MTUS2: variants seen among roughly 807,000 people sequenced by gnomAD.
MTUS2 encodes the protein microtubule-associated tumor suppressor candidate 2.
Under a neutral mutation model 114.1 loss-of-function variants are expected in MTUS2, and 40 were observed. That is an observed-to-expected ratio of 0.35 (90% CI 0.27 to 0.46). MTUS2 has a LOEUF of 0.46. Ranked by LOEUF, MTUS2 falls within the 20% of genes least tolerant of loss-of-function variation. The probability of loss-of-function intolerance (pLI) is 1.00; values close to 1 mark genes in which losing one functional copy is unlikely to be tolerated. For synonymous variants in MTUS2, 688 were observed against 672.0 expected (o/e 1.02, Z -0.37); for missense variants, 1,679 against 1,705.4 (o/e 0.98, Z 0.27).
intron 2 of MTUS2, among the ~76,000 whole-genome samples, chr13:28,869,391 G>A (rs1877485917): frequency 6.6e-6 from 1 of 152,168 alleles, no homozygotes; most frequent in African/African-American, 2.4e-5. Flanking sequence ...TTCTACAAGG[G>A]ATAGATTTTG....
chr13:29,012,592 G>C (rs1261901502), intron 2 of MTUS2, among the ~76,000 whole-genome samples: 1 of 151,652 alleles, frequency 6.6e-6, no homozygotes, highest in African/African-American at 2.4e-5. Flanking sequence ...AGTGGGTCCA[G>C]CCCGGGCGGG....
intron 2 of MTUS2, among the ~76,000 whole-genome samples, chr13:28,925,404 A>G (rs1881270796): frequency 6.6e-6 from 1 of 152,274 alleles, no homozygotes; most frequent in Non-Finnish European, 1.5e-5. Context: ...ATATGTGGAC[A>G]TGTAATCAAT....
intron 9 of MTUS2, among the ~76,000 whole-genome samples, chr13:29,465,866 C>G (rs939347116): frequency 3.9e-5 from 6 of 152,256 alleles, no homozygotes; most frequent in African/African-American, 1.4e-4. Context: ...GTCTTTGTTA[C>G]TAAGTTAGAA....
chr13:29,126,049 A>ACT (rs149228850), intron 5 of MTUS2, among the ~76,000 whole-genome samples: 2,971 of 152,320 alleles, frequency 0.02, 107 homozygotes, highest in African/African-American at 0.068. Flanking sequence ...TCTTTAACAG[A>ACT]CTATCTGGAG....
chr13:29,442,933 G>A (rs1490923490), intron 9 of MTUS2, among the ~76,000 whole-genome samples: 1 of 152,170 alleles, frequency 6.6e-6, no homozygotes, highest in East Asian at 1.9e-4. Flanking sequence ...AAGATATGTT[G>A]GTCTTAGTTA....
intron 6 of MTUS2, among the ~76,000 whole-genome samples, chr13:29,299,231 G>A (rs765412622): frequency 2.0e-5 from 3 of 152,152 alleles, no homozygotes. Context: ...GTCTTAGATG[G>A]TCTGTCTGCT....
chr13:28,980,232 C>G (rs1271694044), intron 2 of MTUS2, among the ~76,000 whole-genome samples: 1 of 152,112 alleles, frequency 6.6e-6, no homozygotes, highest in African/African-American at 2.4e-5. Context: ...CAGTTCTTTT[C>G]CCAAGAATGT....
At chr13:28,962,261 A>G (rs1312192889) in intron 2 of MTUS2, among the ~76,000 whole-genome samples, 2 of 152,114 alleles carry the variant, frequency 1.3e-5, no homozygotes, top group Non-Finnish European at 2.9e-5. Flanking sequence ...CAGTCAAGTC[A>G]AGAGTCTAGA....
chr13:28,840,028 TA>T (rs1427018310), intron 2 of MTUS2, among the ~76,000 whole-genome samples, 178 bp downstream of exon 2: 2 of 117,898 alleles, frequency 1.7e-5, no homozygotes, highest in African/African-American at 6.8e-5. Context: ...TATGAAAGCT[TA>T]ATTTTTTTTT....
chr13:29,425,642 C>G (rs3125723), intron 8 of MTUS2, among the ~76,000 whole-genome samples: 27,210 of 152,092 alleles, frequency 0.18, 2,962 homozygotes, highest in East Asian at 0.51. Context: ...TTGGTATTTA[C>G]CTCTATTTTT....
At chr13:28,999,787 G>A (rs7996516) in intron 2 of MTUS2, among the ~76,000 whole-genome samples, 64,197 of 151,946 alleles carry the variant, frequency 0.42, 14,310 homozygotes, top group South Asian at 0.57. Context: ...CCCATCCCCC[G>A]CCAGCCTCTG....
chr13:29,287,753 A>G (rs528512984), intron 6 of MTUS2, among the ~76,000 whole-genome samples: 3 of 152,310 alleles, frequency 2.0e-5, no homozygotes, highest in South Asian at 2.1e-4. Context: ...ATTCCAGACC[A>G]AAGCACATTG....
chr13:29,332,703 C>T lies in MTUS2; in HGVS notation c.2905+7992C>T, dbSNP rs1248388813. Among the ~76,000 whole-genome samples the T allele has an allele frequency of 6.0e-5, 9 of 149,476 alleles. No individual in the cohort carries two copies. The South Asian group carries it at 6.4e-4, about 11-fold the overall frequency. On this transcript the variant is annotated intron_variant, in intron 7 of 15. Coordinates refer to ENST00000612955, the MANE Select transcript of MTUS2 (RefSeq NM_001033602.4). ...AGGCTGGAGTGCAGTGGCGCGATCT[C>T]GGCTCACTGCAAGCTCCACCTCCTG...
intron 4 of MTUS2, among the ~76,000 whole-genome samples, chr13:29,072,843 A>G (rs1469920075): frequency 6.6e-6 from 1 of 152,248 alleles, no homozygotes; most frequent in Non-Finnish European, 1.5e-5. Context: ...AGATATTAGT[A>G]CAAGGTCACT....
In MTUS2 at chr13:28,896,632, C is replaced by T. The variant is rs147716105; in HGVS notation, c.-243+56782C>T. Reference sequence around the variant, plus strand: ...CAAAAGAACAAAGCTGGTGGCGTCACGCTACCTGACTTCAAACTATACTAC... The same window carrying T: ...CAAAAGAACAAAGCTGGTGGCGTCATGCTACCTGACTTCAAACTATACTAC... On this transcript the variant is annotated intron_variant, in intron 2 of 15. Coordinates refer to ENST00000612955, the MANE Select transcript of MTUS2 (RefSeq NM_001033602.4). 3.5e-3 allele frequency among the ~76,000 whole-genome samples: 532 copies of T among 152,280 alleles called. 3 individuals carry two copies. Among genetic ancestry groups the T allele is most frequent in the African/African-American group, 0.012 (508 of 41,554 alleles).
intron 6 of MTUS2, among the ~76,000 whole-genome samples, chr13:29,315,363 G>A (rs1156314285): frequency 6.6e-6 from 1 of 152,038 alleles, no homozygotes. Flanking sequence ...TGAGGTGATG[G>A]GTATGCTAGT....
chr13:28,839,744 C>T (rs1431698663), intron 1 of MTUS2, 34 bp from the exon 2 acceptor site: 2 of 152,096 alleles, frequency 1.3e-5, no homozygotes, highest in African/African-American at 2.4e-5. Context: ...AATCTTTCTC[C>T]TTCTAAATTT....
At chr13:29,374,771 C>T (rs904239210) in intron 8 of MTUS2, among the ~76,000 whole-genome samples, 1 of 151,856 alleles carries the variant, frequency 6.6e-6, no homozygotes, top group Non-Finnish European at 1.5e-5. Context: ...GTGGCACACA[C>T]CTGTAATCCC....
At chr13:29,076,591 G>T (rs73164594) in intron 4 of MTUS2, among the ~76,000 whole-genome samples, 8,367 of 152,260 alleles carry the variant, frequency 0.055, 327 homozygotes, top group Middle Eastern at 0.12. Flanking sequence ...GCTGGCTGTT[G>T]GCAGGCCTCA....
Sources: allele counts gnomAD v4.1 joint callset (sites outside exome capture counted in the v4.1 genomes callset), GRCh38; gene constraint gnomAD v4.1.1; transcripts MANE v1.5; gene names NCBI Gene and HGNC (gene_info 2026-07-23, HGNC 2026-07-21).